Variants in DENND5B observed in about 807,000 individuals in gnomAD.
DENND5B encodes the protein DENN domain containing 5B, also known as DENN domain-containing protein 5B.
DENND5B carries 34 observed loss-of-function variants against 140.6 expected under a neutral mutation model. That is an observed-to-expected ratio of 0.24 (90% CI 0.18 to 0.32). The LOEUF is 0.32. Ranked by LOEUF, DENND5B falls within the 10% of genes least tolerant of loss-of-function variation. The pLI is 1.00. For synonymous variants in DENND5B, 551 were observed against 562.1 expected (o/e 0.98, Z 0.28); for missense variants, 1,142 against 1,560.2 (o/e 0.73, Z 4.52).
chr12:31,574,392 C>T (rs920738632), intron 1 of DENND5B, among the ~76,000 whole-genome samples: 13 of 151,606 alleles, frequency 8.6e-5, no homozygotes, highest in Middle Eastern at 6.8e-3. Flanking sequence ...GAGTTCGAGA[C>T]CAACCTGGGC....
At chr12:31,449,383 C>T (rs1008923196) in intron 5 of DENND5B, among the ~76,000 whole-genome samples, 16 of 152,104 alleles carry the variant, frequency 1.1e-4, no homozygotes, top group African/African-American at 3.6e-4. Flanking sequence ...ATCAGTTCAC[C>T]TTCACCAATA....
intron 8 of DENND5B, among the ~76,000 whole-genome samples, chr12:31,428,565 C>T (rs1431523062): frequency 2.0e-5 from 3 of 151,374 alleles, no homozygotes; most frequent in Non-Finnish European, 2.9e-5. Context: ...CCATGCCCAG[C>T]TAATTTTTGT....
chr12:31,557,333 T>C (rs755576026), intron 1 of DENND5B, among the ~76,000 whole-genome samples: 3 of 152,242 alleles, frequency 2.0e-5, no homozygotes, highest in Admixed American at 1.3e-4. Flanking sequence ...AAATTTTCTA[T>C]AAAATGCATA....
chr12:31,461,748 TTTGGATTTGTAGAATTGAGGATAATG>T (rs1332205077), intron 3 of DENND5B, among the ~76,000 whole-genome samples: 1 of 152,218 alleles, frequency 6.6e-6, no homozygotes, highest in Non-Finnish European at 1.5e-5. Context: ...TTCAGAATTT[TTTGGATTTGTAGAATTGAGGATAATG>T]GATTGTGGGC....
chr12:31,574,241 T>C (rs1040432427), intron 1 of DENND5B, among the ~76,000 whole-genome samples: 2 of 141,428 alleles, frequency 1.4e-5, no homozygotes, highest in Non-Finnish European at 3.0e-5. Flanking sequence ...CCAGCATGGG[T>C]GAGAGAATGA....
intron 1 of DENND5B, among the ~76,000 whole-genome samples, chr12:31,553,413 C>T (rs1042439825): frequency 6.6e-5 from 10 of 152,190 alleles, no homozygotes; most frequent in African/African-American, 1.9e-4. Flanking sequence ...TTTGATTGCA[C>T]TGTGGTCTGA....
chr12:31,486,852 T>C (rs1185227398), intron 2 of DENND5B, among the ~76,000 whole-genome samples: 2 of 152,254 alleles, frequency 1.3e-5, no homozygotes, highest in Non-Finnish European at 2.9e-5. Context: ...CTAAAAAGTA[T>C]TTATTGTGGA....
At chr12:31,537,966 T>G (rs1948559127) in intron 1 of DENND5B, among the ~76,000 whole-genome samples, 1 of 152,148 alleles carries the variant, frequency 6.6e-6, no homozygotes, top group Non-Finnish European at 1.5e-5. Flanking sequence ...GACCCAACAC[T>G]GGATCCATAT....
At chr12:31,511,475 G>C (rs1248380850) in intron 1 of DENND5B, among the ~76,000 whole-genome samples, 1 of 151,124 alleles carries the variant, frequency 6.6e-6, no homozygotes, top group Non-Finnish European at 1.5e-5. Flanking sequence ...TCAACAGTAA[G>C]GTTCAAGATA....
intron 1 of DENND5B, among the ~76,000 whole-genome samples, chr12:31,580,233 A>T (rs1342636156): frequency 7.9e-5 from 12 of 152,112 alleles, no homozygotes; most frequent in Non-Finnish European, 1.8e-4. Context: ...GCTTAAAAAA[A>T]AATCAAAGCC....
At chr12:31,424,366 G>T (rs568255604) in intron 10 of DENND5B, among the ~76,000 whole-genome samples, 169 bp downstream of exon 10, 1 of 151,998 alleles carries the variant, frequency 6.6e-6, no homozygotes, top group South Asian at 2.1e-4. Flanking sequence ...ACCACCTCCT[G>T]CTCATGGGTT....
At chr12:31,421,294 C>T (rs887288797) in intron 11 of DENND5B, among the ~76,000 whole-genome samples, 3 of 152,114 alleles carry the variant, frequency 2.0e-5, no homozygotes, top group Non-Finnish European at 2.9e-5. Flanking sequence ...ACCCATCCAC[C>T]TAGGCCTCCC....
At chr12:31,551,829 G>A (rs1341215839) in intron 1 of DENND5B, among the ~76,000 whole-genome samples, 1 of 152,228 alleles carries the variant, frequency 6.6e-6, no homozygotes, top group Non-Finnish European at 1.5e-5. Context: ...TGAAGCAATT[G>A]TGAATGGGAG....
chr12:31,468,224 A>G (rs1465894147), intron 3 of DENND5B, among the ~76,000 whole-genome samples: 1 of 152,210 alleles, frequency 6.6e-6, no homozygotes, highest in Non-Finnish European at 1.5e-5. Flanking sequence ...ACTGCATTCC[A>G]GTCTGGGCAA....
At chr12:31,446,884 C>T (rs1442390941) in intron 6 of DENND5B, among the ~76,000 whole-genome samples, 1 of 136,108 alleles carries the variant, frequency 7.3e-6, no homozygotes, top group Non-Finnish European at 1.6e-5. Flanking sequence ...GAGACTCCGC[C>T]TCAAAAAAAA....
At chr12:31,388,071 A>AG (rs1940933300) in intron 20 of DENND5B, among the ~76,000 whole-genome samples, 2 of 152,144 alleles carry the variant, frequency 1.3e-5, no homozygotes, top group Non-Finnish European at 2.9e-5. Context: ...TATGCACATT[A>AG]AAGACATTCT....
intron 1 of DENND5B, among the ~76,000 whole-genome samples, chr12:31,502,544 T>C (rs1294529046): frequency 1.3e-5 from 2 of 152,322 alleles, no homozygotes; most frequent in East Asian, 1.9e-4. Flanking sequence ...TAAAAACTTC[T>C]GAATGTCTTT....
chr12:31,499,463 T>C, intron 1 of DENND5B: 1 of 532,992 alleles, frequency 1.9e-6, no homozygotes, highest in African/African-American at 2.0e-5. Context: ...AAAATTAAGA[T>C]GCAGATGAGA....
chr12:31,394,493 A>G (rs775863675), intron 17 of DENND5B, among the ~76,000 whole-genome samples: 1 of 152,234 alleles, frequency 6.6e-6, no homozygotes, highest in Non-Finnish European at 1.5e-5. Context: ...CAGCATAATT[A>G]AAATTCACCA....
Sources: gnomAD v4.1 joint callset for allele counts (sites outside exome capture counted in the v4.1 genomes callset) on GRCh38, gnomAD v4.1.1 for gene constraint, MANE v1.5 for transcripts, NCBI Gene and HGNC (gene_info 2026-07-23, HGNC 2026-07-21) for gene names.